The following INTS9 variants were observed in gnomAD, a reference collection of about 807,000 sequenced individuals.
INTS9 encodes integrator complex subunit 9, also known as protein related to CPSF subunits of 74 kDa.
Under a neutral mutation model 79.7 loss-of-function variants are expected in INTS9, and 55 were observed. The ratio of observed to expected loss-of-function variants is 0.69; its 90% CI spans 0.56 to 0.86. INTS9 has a LOEUF of 0.86. Ranked by LOEUF, INTS9 falls within the 40% of genes least tolerant of loss-of-function variation. The pLI is 0.00. For synonymous variants in INTS9, 319 were observed against 325.2 expected (o/e 0.98, Z 0.20); for missense variants, 721 against 831.5 (o/e 0.87, Z 1.64).
At chr8:28,864,439 G>A (rs1808627021) in intron 1 of INTS9, among the ~76,000 whole-genome samples, 1 of 152,106 alleles carries the variant, frequency 6.6e-6, no homozygotes, top group South Asian at 2.1e-4. Context: ...ATACAAGAAG[G>A]ATTGGTGAGC....
chr8:28,795,695 C>G (rs1451624870), intron 9 of INTS9, among the ~76,000 whole-genome samples: 5 of 150,562 alleles, frequency 3.3e-5, no homozygotes, highest in African/African-American at 9.7e-5. Context: ...AGAGCTTCCC[C>G]TCTTCTCCAC....
At chr8:28,844,301 T>C (rs1644609239) in intron 4 of INTS9, among the ~76,000 whole-genome samples, 1 of 152,284 alleles carries the variant, frequency 6.6e-6, no homozygotes, top group African/African-American at 2.4e-5. Context: ...TTCCAGCACT[T>C]TGGGAGGCTG....
chr8:28,801,142 A>C (rs537750588), intron 8 of INTS9, among the ~76,000 whole-genome samples: 1 of 152,336 alleles, frequency 6.6e-6, no homozygotes, highest in African/African-American at 2.4e-5. Context: ...AGGGGGAAGA[A>C]ATCATTACAA....
At chr8:28,813,021 T>A (rs1004915581) in intron 7 of INTS9, among the ~76,000 whole-genome samples, 5 of 152,102 alleles carry the variant, frequency 3.3e-5, no homozygotes, top group African/African-American at 1.2e-4. Context: ...AAGGGAGAGA[T>A]GAAATATTAC....
rs928767820 is a variant in INTS9, at chr8:28,846,936, G to A, written c.199-127C>T. On this transcript the variant is annotated intron_variant, in intron 3 of 16. Coordinates refer to ENST00000521022, the MANE Select transcript of INTS9 (RefSeq NM_018250.4). Reference sequence around the variant, plus strand: ...ACTACTAGAGCTGGAGGGAAGCTGGGAGGTTATTAGGCCGACTGTCCTATG... The same window carrying A: ...ACTACTAGAGCTGGAGGGAAGCTGGAAGGTTATTAGGCCGACTGTCCTATG... 2.1e-5 allele frequency: 15 copies of A among 726,330 alleles called. No individual in the cohort carries two copies. The African/African-American group carries it at 2.1e-4, about 10-fold the overall frequency. 45.0% of individuals were successfully genotyped at this position (726,330 alleles called of 1,614,324 possible).
chr8:28,806,047 T>C (rs766631251), intron 8 of INTS9, among the ~76,000 whole-genome samples: 1 of 150,998 alleles, frequency 6.6e-6, no homozygotes, highest in Non-Finnish European at 1.5e-5. Flanking sequence ...CTGGGCAATA[T>C]AGGAAGATCC....
chr8:28,879,710 T>C (rs780922711), intron 1 of INTS9, among the ~76,000 whole-genome samples: 28 of 152,094 alleles, frequency 1.8e-4, no homozygotes, highest in Non-Finnish European at 3.5e-4. Context: ...AGAGTACCCA[T>C]AGAGGAAAAT....
At chr8:28,823,687 G>C (rs999349054) in intron 6 of INTS9, among the ~76,000 whole-genome samples, 2 of 152,154 alleles carry the variant, frequency 1.3e-5, no homozygotes, top group Non-Finnish European at 2.9e-5. Context: ...ATTGAGGAGA[G>C]ACAAGTAGGG....
intron 2 of INTS9, among the ~76,000 whole-genome samples, chr8:28,850,504 A>G (rs192146745): frequency 1.3e-5 from 2 of 152,336 alleles, no homozygotes; most frequent in East Asian, 3.9e-4. Context: ...AATTGGAAAA[A>G]CTAAAAGAAT....
chr8:28,825,170 G>A (rs1483527344), intron 6 of INTS9, among the ~76,000 whole-genome samples: 1 of 152,170 alleles, frequency 6.6e-6, no homozygotes, highest in South Asian at 2.1e-4. Flanking sequence ...GAACCTCCTG[G>A]GGCTGCCCTG....
chr8:28,859,267 G>C (rs75661134), intron 2 of INTS9, among the ~76,000 whole-genome samples, 169 bp downstream of exon 2: 4,424 of 152,238 alleles, frequency 0.029, 229 homozygotes, highest in African/African-American at 0.1. Flanking sequence ...TAAATCAATA[G>C]AACACTTTCC....
intron 14 of INTS9, among the ~76,000 whole-genome samples, chr8:28,772,523 A>G (rs965694416): frequency 6.6e-6 from 1 of 151,720 alleles, no homozygotes; most frequent in Non-Finnish European, 1.5e-5. Context: ...AAAAAAAGAC[A>G]TAGGGCCGGG....
At chr8:28,859,746 T>A (rs944476530) in intron 1 of INTS9, 183 bp from the exon 2 acceptor site, 17 of 703,012 alleles carry the variant, frequency 2.4e-5, no homozygotes, top group Admixed American at 1.2e-4. Context: ...TTCAAAATAC[T>A]CAAAATTCTC....
At chr8:28,840,158 A>C (rs1159169638) in intron 4 of INTS9, among the ~76,000 whole-genome samples, 1 of 149,530 alleles carries the variant, frequency 6.7e-6, no homozygotes, top group African/African-American at 2.4e-5. Context: ...TCTCAAAAGA[A>C]GACATTTATG....
chr8:28,812,525 T>A, intron 7 of INTS9, 64 bp from the exon 8 acceptor site: 1 of 1,537,506 alleles, frequency 6.5e-7, no homozygotes, highest in Non-Finnish European at 8.8e-7. Context: ...GAGGTAATTC[T>A]GCAGGGAAAA....
At chr8:28,877,841 G>A (rs893321290) in intron 1 of INTS9, among the ~76,000 whole-genome samples, 9 of 152,168 alleles carry the variant, frequency 5.9e-5, no homozygotes, top group Non-Finnish European at 8.8e-5. Context: ...AGTTGGGGGA[G>A]GGTGTTGGTG....
At chr8:28,872,461 AG>A (rs1218977866) in intron 1 of INTS9, among the ~76,000 whole-genome samples, 1 of 152,050 alleles carries the variant, frequency 6.6e-6, no homozygotes, top group Non-Finnish European at 1.5e-5. Context: ...TCCATGTCTT[AG>A]CTGTAATTAT....
At chr8:28,815,496 T>C (rs1805417432) in intron 6 of INTS9, among the ~76,000 whole-genome samples, 1 of 152,174 alleles carries the variant, frequency 6.6e-6, no homozygotes, top group Non-Finnish European at 1.5e-5. Context: ...ATCTGCAGCT[T>C]TTTGAGGCAA....
intron 2 of INTS9, among the ~76,000 whole-genome samples, chr8:28,851,530 C>T (rs575079169): frequency 7.9e-5 from 12 of 151,992 alleles, no homozygotes; most frequent in East Asian, 5.8e-4. Flanking sequence ...CTCTGCCTCC[C>T]GGGTCCACGC....
Sources: gnomAD v4.1 joint callset for allele counts (sites outside exome capture counted in the v4.1 genomes callset) on GRCh38, gnomAD v4.1.1 for gene constraint, MANE v1.5 for transcripts, NCBI Gene and HGNC (gene_info 2026-07-23, HGNC 2026-07-21) for gene names.